The following DMD variants were observed in gnomAD, a reference collection of about 807,000 sequenced individuals.
The protein encoded by DMD is mutant dystrophin.
DMD carries 63 observed loss-of-function variants against 330.1 expected under a neutral mutation model. The observed-to-expected ratio is 0.19, with a 90% CI of 0.16 to 0.24. The LOEUF is 0.24. DMD is among the 10% of genes least tolerant of loss of function. The pLI is 1.00. For synonymous variants in DMD, 1,223 were observed against 959.8 expected (o/e 1.27, Z -5.07); for missense variants, 3,344 against 2,684.1 (o/e 1.25, Z -5.43).
At chrX:32,728,691 G>C (rs900793337) in intron 7 of DMD, among the ~76,000 whole-genome samples, 4 of 112,137 alleles carry the variant, frequency 3.6e-5, no homozygotes, top group South Asian at 3.7e-4. Context: ...AGATATCTTT[G>C]GGAATATAAT....
chrX:31,617,563 T>TAAAAAAA (rs2078280154), intron 55 of DMD, among the ~76,000 whole-genome samples: 1 of 59,627 alleles, frequency 1.7e-5, no homozygotes, highest in Non-Finnish European at 3.3e-5. Flanking sequence ...AAAAAAAAAG[T>TAAAAAAA]CAAAAAATAC....
intron 1 of DMD, among the ~76,000 whole-genome samples, chrX:33,118,578 G>T (rs1046784411): frequency 8.9e-6 from 1 of 111,899 alleles, no homozygotes; most frequent in African/African-American, 3.2e-5. Context: ...CTGAACAAAA[G>T]ATTTAAAGTC....
chrX:33,304,505 G>A (rs1210602080), intron 1 of DMD, among the ~76,000 whole-genome samples: 2 of 110,711 alleles, frequency 1.8e-5, no homozygotes, highest in African/African-American at 6.6e-5. Context: ...CATAGGCATA[G>A]GCAAGGACTT....
intron 2 of DMD, among the ~76,000 whole-genome samples, chrX:33,009,796 G>A (rs868426834): frequency 3.8e-5 from 1 of 26,024 alleles, no homozygotes; most frequent in African/African-American, 1.2e-4. Flanking sequence ...GTATATGTGT[G>A]TATATGTGTA....
At chrX:31,636,272 C>T (rs916285474) in intron 54 of DMD, among the ~76,000 whole-genome samples, 5 of 111,132 alleles carry the variant, frequency 4.5e-5, no homozygotes, top group African/African-American at 1.3e-4. Flanking sequence ...ACAAAATAAT[C>T]GGTACAACAA....
At chrX:32,047,658 A>T (rs2096073420) in intron 44 of DMD, among the ~76,000 whole-genome samples, 1 of 111,541 alleles carries the variant, frequency 9.0e-6, no homozygotes, top group African/African-American at 3.3e-5. Context: ...TGACACTTTT[A>T]TCCACTATCT....
chrX:32,368,090 TTAAA>T (rs1462314593), intron 34 of DMD, among the ~76,000 whole-genome samples: 1 of 111,529 alleles, frequency 9.0e-6, no homozygotes, highest in African/African-American at 3.3e-5. Context: ...GAAATAAGAC[TTAAA>T]TAAGACTTAG....
intron 55 of DMD, among the ~76,000 whole-genome samples, chrX:31,587,658 G>A (rs768103915): frequency 5.0e-4 from 56 of 111,015 alleles, no homozygotes; most frequent in Non-Finnish European, 5.5e-4. Flanking sequence ...GACTTTTTCT[G>A]GGTCAGCTTT....
At chrX:32,539,172 CTTTT>C (rs71980872) in intron 17 of DMD, among the ~76,000 whole-genome samples, 1 of 95,455 alleles carries the variant, frequency 1.0e-5, no homozygotes, top group African/African-American at 3.8e-5. Context: ...ATTTCTATTT[CTTTT>C]TTTTTTTTTT....
chrX:32,399,784 G>A (rs1160612430), intron 30 of DMD, among the ~76,000 whole-genome samples: 4 of 111,726 alleles, frequency 3.6e-5, no homozygotes, highest in Non-Finnish European at 5.7e-5. Context: ...CTGTACTCCC[G>A]TGTTTTATTG....
At chrX:31,933,918 G>C (rs1363726597) in intron 45 of DMD, among the ~76,000 whole-genome samples, 1 of 109,322 alleles carries the variant, frequency 9.1e-6, no homozygotes, top group Non-Finnish European at 1.9e-5. Flanking sequence ...TAGTACTTTA[G>C]ATGGACATTT....
intron 60 of DMD, among the ~76,000 whole-genome samples, chrX:31,354,262 A>C (rs1164812410): frequency 8.9e-6 from 1 of 112,131 alleles, no homozygotes; most frequent in Non-Finnish European, 1.9e-5. Flanking sequence ...TGAATGAATT[A>C]ATGTACTGTT....
At chrX:33,269,438 G>A (rs1222909172) in intron 1 of DMD, among the ~76,000 whole-genome samples, 1 of 110,917 alleles carries the variant, frequency 9.0e-6, no homozygotes, top group Non-Finnish European at 1.9e-5. Context: ...GACTACTAGA[G>A]TGGGGAGGGA....
chrX:32,573,370 C>A (rs1009242551), intron 15 of DMD, among the ~76,000 whole-genome samples, 160 bp downstream of exon 15: 2 of 111,612 alleles, frequency 1.8e-5, no homozygotes, highest in Non-Finnish European at 3.8e-5. Context: ...AGTTTTTTCC[C>A]ACTTTAATTC....
intron 62 of DMD, among the ~76,000 whole-genome samples, chrX:31,263,516 G>C (rs1215326229): frequency 9.0e-6 from 1 of 111,476 alleles, no homozygotes; most frequent in Non-Finnish European, 1.9e-5. Context: ...CTCCTTTACT[G>C]GAAGAAGGAG....
At position 32,725,230 on chromosome X, in the gene DMD, G is replaced by C. The variant is rs754668064; in HGVS notation, c.650-25937C>G. The stretch of plus-strand genomic sequence containing the variant: ...AAATTTCAATATACTAGATTTGACA[G>C]TATGGCTTGAGAGAGGGATCCCACT... On this transcript the variant is annotated intron_variant, in intron 7 of 78. Transcript: ENST00000357033. 1.3e-4 allele frequency among the ~76,000 whole-genome samples: 14 copies of C among 111,117 alleles called. No homozygotes were observed. The East Asian group carries it at 2.8e-3, about 22-fold the overall frequency.
At chrX:32,900,318 G>A (rs1328914651) in intron 2 of DMD, among the ~76,000 whole-genome samples, 1 of 111,041 alleles carries the variant, frequency 9.0e-6, no homozygotes, top group African/African-American at 3.3e-5. Context: ...GTGGAGGAGG[G>A]CTTCTAGAGT....
rs559178725 is a variant in DMD, at chrX:32,876,828, A to G, written c.94-27008T>C. Among the ~76,000 whole-genome samples the G allele has an allele frequency of 1.5e-3, 164 of 112,404 alleles. 1 individual carries two copies. The highest frequency in any genetic ancestry group is 5.1e-3 in the African/African-American group (157 of 30,995). Reference sequence around the variant, plus strand: ...CTGAGTTGTACCATAGGTGACACTAATCTGTGCCAAATGGGGCACATTTAA... The same window carrying G: ...CTGAGTTGTACCATAGGTGACACTAGTCTGTGCCAAATGGGGCACATTTAA... On this transcript the variant is annotated intron_variant, in intron 2 of 78. Coordinates refer to ENST00000357033, the MANE Select transcript of DMD (RefSeq NM_004006.3).
chrX:31,421,923 A>ACG (rs2063402773), intron 60 of DMD, among the ~76,000 whole-genome samples: 2 of 75,494 alleles, frequency 2.6e-5, no homozygotes, highest in Admixed American at 2.9e-4. Flanking sequence ...ACATATATAT[A>ACG]TATATATATA....
Sources: gnomAD v4.1 joint callset for allele counts (sites outside exome capture counted in the v4.1 genomes callset) on GRCh38, gnomAD v4.1.1 for gene constraint, MANE v1.5 for transcripts, NCBI Gene and HGNC (gene_info 2026-07-23, HGNC 2026-07-21) for gene names.